Variants in PTPRD observed in about 807,000 individuals in gnomAD.
The protein encoded by PTPRD is protein tyrosine phosphatase receptor type D, also known as receptor-type tyrosine-protein phosphatase delta.
In PTPRD, 34 loss-of-function variants were observed where a neutral mutation model predicts 214.5. The ratio of observed to expected loss-of-function variants is 0.16; its 90% CI spans 0.12 to 0.21. The LOEUF (loss-of-function observed/expected upper bound fraction) is 0.21. Among genes scored for constraint, PTPRD ranks in the 10% least tolerant of loss-of-function variants. The pLI, the probability that PTPRD is intolerant of heterozygous loss-of-function variation, is 1.00. For missense variants in PTPRD, 2,545 were observed against 2,398.7 expected, an observed-to-expected ratio of 1.06 and a Z score of -1.27; for synonymous variants, 1,128 against 845.7, an observed-to-expected ratio of 1.33 and a Z score of -5.79.
At chr9:8,720,990 C>A (rs1280952455) in intron 12 of PTPRD, among the ~76,000 whole-genome samples, 1 of 151,658 alleles carries the variant, frequency 6.6e-6, no homozygotes, top group East Asian at 1.9e-4. Flanking sequence ...CCTTCCCCAT[C>A]ACCTATTCAC....
At chr9:10,475,662 C>A (rs1414378312) in intron 2 of PTPRD, among the ~76,000 whole-genome samples, 2 of 152,054 alleles carry the variant, frequency 1.3e-5, no homozygotes, top group African/African-American at 4.8e-5. Context: ...CAAAACCTGG[C>A]AGAGACACAA....
At chr9:9,716,174 G>C (rs1359281489) in intron 7 of PTPRD, among the ~76,000 whole-genome samples, 4 of 152,164 alleles carry the variant, frequency 2.6e-5, no homozygotes, top group Non-Finnish European at 4.4e-5. Context: ...CCCTACAAAG[G>C]ACATGAACTC....
At chr9:10,591,559 C>T (rs1489847334) in intron 2 of PTPRD, among the ~76,000 whole-genome samples, 1 of 151,786 alleles carries the variant, frequency 6.6e-6, no homozygotes, top group Non-Finnish European at 1.5e-5. Flanking sequence ...ATTTCTTATT[C>T]ATTGCAAGAT....
At chr9:8,932,001 T>C (rs1043837003) in intron 11 of PTPRD, among the ~76,000 whole-genome samples, 6 of 152,240 alleles carry the variant, frequency 3.9e-5, no homozygotes, top group Admixed American at 1.3e-4. Context: ...TTGGGATCAG[T>C]GGTGATATCT....
intron 35 of PTPRD, among the ~76,000 whole-genome samples, chr9:8,432,510 G>A (rs1456649544): frequency 2.0e-5 from 3 of 152,070 alleles, no homozygotes; most frequent in African/African-American, 7.2e-5. Context: ...CTTAGAATCA[G>A]AGTAAAAAAA....
intron 5 of PTPRD, among the ~76,000 whole-genome samples, chr9:9,887,083 G>C (rs987493486): frequency 6.6e-6 from 1 of 152,078 alleles, no homozygotes; most frequent in African/African-American, 2.4e-5. Flanking sequence ...AATGGAATAA[G>C]TCCCTTCTCC....
intron 8 of PTPRD, among the ~76,000 whole-genome samples, chr9:9,415,729 T>C (rs956109865): frequency 7.2e-5 from 11 of 152,184 alleles, no homozygotes; most frequent in African/African-American, 2.2e-4. Context: ...ACTCAAGTAG[T>C]TCTCAATCTG....
chr9:9,191,833 T>G (rs1302802882), intron 9 of PTPRD, among the ~76,000 whole-genome samples: 1 of 152,228 alleles, frequency 6.6e-6, no homozygotes, highest in African/African-American at 2.4e-5. Flanking sequence ...ATTAAACATA[T>G]ACTATTAATA....
chr9:9,208,219 T>G (rs2099946215), intron 9 of PTPRD, among the ~76,000 whole-genome samples: 1 of 151,664 alleles, frequency 6.6e-6, no homozygotes, highest in Non-Finnish European at 1.5e-5. Context: ...TTTCACCGTG[T>G]AAGCCAGGAT....
At chr9:9,044,498 G>T (rs1394549457) in intron 10 of PTPRD, among the ~76,000 whole-genome samples, 1 of 152,198 alleles carries the variant, frequency 6.6e-6, no homozygotes, top group African/African-American at 2.4e-5. Context: ...TGTGTTGGTT[G>T]CTTGCTCATT....
At position 8,625,170 on chromosome 9, in the gene PTPRD, A is replaced by G. The variant is rs556027263; in HGVS notation, c.352+8147T>C. The stretch of plus-strand genomic sequence containing the variant: ...CACATAGTAAAAAGTGCTATGAAGC[A>G]AATTAAACAGGTCATATACAAACAC... On this transcript the variant is annotated intron_variant, in intron 14 of 45. Coordinates refer to ENST00000381196, the MANE Select transcript of PTPRD (RefSeq NM_002839.4). Among the ~76,000 whole-genome samples, 4 of 152,014 alleles carry G rather than the reference A, an allele frequency of 2.6e-5. No homozygotes were observed. In the South Asian group the frequency reaches 8.3e-4, roughly 31 times the overall value.
chr9:9,812,499 A>G (rs1186355274), intron 5 of PTPRD, among the ~76,000 whole-genome samples: 1 of 152,210 alleles, frequency 6.6e-6, no homozygotes, highest in Non-Finnish European at 1.5e-5. Flanking sequence ...TTCCATGGAA[A>G]TGGTAACCAA....
chr9:9,948,846 A>G (rs1566636602), intron 4 of PTPRD, among the ~76,000 whole-genome samples: 1 of 152,212 alleles, frequency 6.6e-6, no homozygotes, highest in Admixed American at 6.5e-5. Flanking sequence ...GACAAATTTT[A>G]TGACAATAAA....
chr9:8,786,594 T>C (rs1005352352), intron 11 of PTPRD, among the ~76,000 whole-genome samples: 2 of 151,498 alleles, frequency 1.3e-5, no homozygotes, highest in African/African-American at 2.4e-5. Flanking sequence ...TTTGTATTTT[T>C]AGTACAAACG....
intron 30 of PTPRD, among the ~76,000 whole-genome samples, chr9:8,481,729 C>T (rs1004441023): frequency 4.6e-5 from 7 of 152,102 alleles, no homozygotes; most frequent in African/African-American, 1.4e-4. Flanking sequence ...TCTTCTTCCA[C>T]GAAACCATTG....
At position 10,568,679 on chromosome 9, in the gene PTPRD, C is replaced by A. The variant is rs1591132934; in HGVS notation, c.-600+43719G>T. Among the ~76,000 whole-genome samples the A allele has an allele frequency of 2.0e-5, 3 of 152,062 alleles. No individual in the cohort carries two copies. In the South Asian group the frequency reaches 6.2e-4, roughly 32 times the overall value. The stretch of plus-strand genomic sequence containing the variant: ...AAAAACAAGAAATGGGGAAAGGATT[C>A]CCTATTTAATAAATGGTGCTGGGAA... On this transcript the variant is annotated intron_variant, in intron 2 of 45. Transcript: ENST00000381196.
chr9:10,561,191 C>T (rs2063874935), intron 2 of PTPRD, among the ~76,000 whole-genome samples: 1 of 152,020 alleles, frequency 6.6e-6, no homozygotes, highest in African/African-American at 2.4e-5. Context: ...CTGTTTTAAG[C>T]TGGGTGAAAC....
At chr9:8,838,352 C>T (rs548178832) in intron 11 of PTPRD, among the ~76,000 whole-genome samples, 4 of 152,074 alleles carry the variant, frequency 2.6e-5, no homozygotes, top group South Asian at 2.1e-4. Flanking sequence ...TATTTAGAAC[C>T]TTGCCTTATA....
intron 14 of PTPRD, among the ~76,000 whole-genome samples, chr9:8,607,534 T>G (rs972735278): frequency 2.0e-5 from 3 of 151,980 alleles, no homozygotes; most frequent in Admixed American, 6.6e-5. Context: ...TACCAGCTGC[T>G]CAGGAGGCTG....
Sources: allele counts gnomAD v4.1 joint callset (sites outside exome capture counted in the v4.1 genomes callset), GRCh38; gene constraint gnomAD v4.1.1; transcripts MANE v1.5; gene names NCBI Gene and HGNC (gene_info 2026-07-23, HGNC 2026-07-21).